TRIM8: variants seen among roughly 807,000 people sequenced by gnomAD.
The protein encoded by TRIM8 is tripartite motif containing 8.
In TRIM8, 9 loss-of-function variants were observed where a neutral mutation model predicts 55.7. The ratio of observed to expected loss-of-function variants is 0.16; its 90% CI spans 0.10 to 0.28. The LOEUF is 0.28. TRIM8 is among the 10% of genes least tolerant of loss of function. The pLI is 1.00. For synonymous variants in TRIM8, 335 were observed against 333.3 expected (o/e 1.01, Z -0.06); for missense variants, 556 against 736.4 (o/e 0.76, Z 2.83).
At chr10:102,645,229 A>C (rs2063924183) in intron 1 of TRIM8, 42 bp downstream of exon 1, 1 of 1,476,546 alleles carries the variant, frequency 6.8e-7, no homozygotes, top group Non-Finnish European at 8.9e-7. Context: ...ACACACACAG[A>C]CACACAGTCC....
intron 2 of TRIM8, 22 bp from the exon 3 acceptor site, chr10:102,655,058 C>T (rs759622215): frequency 3.2e-5 from 52 of 1,612,576 alleles, no homozygotes; most frequent in Non-Finnish European, 4.3e-5. Flanking sequence ...TGCCTGCCCA[C>T]TCCTGCCCTC....
Position 102,656,924 on chromosome 10 carries a change from A to C in TRIM8, c.1226A>C (p.Glu409Ala). 6.2e-7 allele frequency: 1 copy of C among 1,604,700 alleles called. No homozygotes were observed. Among genetic ancestry groups the C allele is most frequent in the Non-Finnish European group, 8.5e-7 (1 of 1,174,976 alleles). Reference sequence around the variant, plus strand: ...GGGGCGGCGGGCACAGCCAGCGGTGAGGGCCAGTCTGGGCAGCCCCTGGGG... The same window carrying C: ...GGGGCGGCGGGCACAGCCAGCGGTGCGGGCCAGTCTGGGCAGCCCCTGGGG... Reference protein sequence around the residue: ...QYGAAGTASGEGQSGQPLGPC... With the variant: ...QYGAAGTASGAGQSGQPLGPC... The change falls in exon 6 of 6, where the codon GAG (glutamate) becomes GCG (alanine). Residue 409 changes from glutamate (E) to alanine (A), a missense_variant. Glu to Ala is a moderately radical substitution (Grantham distance 107). Transcript: ENST00000643721. The surrounding 1 kb of genome is among the most constrained non-coding windows in gnomAD (Gnocchi z 4.6).
At chr10:102,655,652 C>T (rs951752544) in intron 3 of TRIM8, among the ~76,000 whole-genome samples, 3 of 152,204 alleles carry the variant, frequency 2.0e-5, no homozygotes, top group Admixed American at 2.0e-4. Context: ...AATTTATGGT[C>T]TTTATCTTGC....
chr10:102,656,844 C>G lies in TRIM8; in HGVS notation c.1146C>G (p.Ala382=). Residue 382 remains alanine (A), a synonymous_variant, in exon 6 of 6, where the codon GCC becomes GCG. Transcript: ENST00000643721. The surrounding 1 kb of genome is among the most constrained non-coding windows in gnomAD (Gnocchi z 4.6). ...CGGAAAAGCGCAAGCACTCAACGGCCTTCCCAGAGGCCAGTTTCCTAGAGA... is the reference window on the plus strand; with the variant it reads ...CGGAAAAGCGCAAGCACTCAACGGCGTTCCCAGAGGCCAGTTTCCTAGAGA... ...SGAEKRKHST[A]FPEASFLETS... The G allele has an allele frequency of 6.5e-7, 1 of 1,549,930 alleles. No homozygotes were observed. The highest frequency in any genetic ancestry group is 8.7e-7 in the Non-Finnish European group (1 of 1,149,762).
At position 102,657,590 on chromosome 10, in the gene TRIM8, A is replaced by T. The variant is rs2064038414; in HGVS notation, c.*236A>T. The stretch of plus-strand genomic sequence containing the variant: ...GGGAGCTGGCCTGGGCCAGGACGGC[A>T]GGTGGCCCTGGAGATGGGAAAGTGT... On this transcript the variant is annotated 3_prime_UTR_variant, in exon 6 of 6. Transcript: ENST00000643721. 2.1e-6 allele frequency: 1 copy of T among 485,038 alleles called. No homozygotes were observed. 30.0% of individuals were successfully genotyped at this position (485,038 alleles called of 1,614,324 possible). A position where few individuals can be genotyped will look rare whatever the true frequency, so the allele number is the denominator to read the frequency against.
intron 3 of TRIM8, 116 bp from the exon 4 acceptor site, chr10:102,655,990 A>AGAG (rs2064020124): frequency 6.8e-7 from 1 of 1,476,012 alleles, no homozygotes; most frequent in Admixed American, 1.7e-5. Flanking sequence ...GTCCAGAATG[A>AGAG]GAGGATCCAC....
chr10:102,644,894 G>T lies in TRIM8; in HGVS notation c.277G>T (p.Val93Leu). The T allele has an allele frequency of 6.2e-7, 1 of 1,609,838 alleles. No individual in the cohort carries two copies. The highest frequency in any genetic ancestry group is 8.5e-7 in the Non-Finnish European group (1 of 1,178,486). Reference sequence around the variant, plus strand: ...GAAGCCGCCGGCGGCGCTGCACTGCGTGTTCTGCCGCCGCGGCCCCCCGCT... The same window carrying T: ...GAAGCCGCCGGCGGCGCTGCACTGCTTGTTCTGCCGCCGCGGCCCCCCGCT... ...VEKPPAALHC[V>L]FCRRGPPLPA... Residue 93 changes from valine (V) to leucine (L), a missense_variant, in exon 1 of 6, where the codon GTG becomes TTG. This residue lies in a region of TRIM8 where 165 missense variants were observed against 295.3 expected (regional missense o/e 0.56). Transcript: ENST00000643721.
Position 102,644,922 on chromosome 10 carries a change from C to T in TRIM8, c.305C>T (p.Pro102Leu), listed in dbSNP as rs2063920759. ...CVFCRRGPPLPAQKVCLRCEA... is the reference protein window; with the variant it reads ...CVFCRRGPPLLAQKVCLRCEA... ...TTCTGCCGCCGCGGCCCCCCGCTGC[C>T]CGCGCAGAAGGTCTGCCTGCGCTGC... The change falls in exon 1 of 6, where the codon CCC (proline) becomes CTC (leucine). Residue 102 changes from proline to leucine, a missense_variant. Physicochemically the swap from Pro to Leu is moderately conservative, Grantham distance 98. Around this residue, in one of 2 missense-constraint regions of TRIM8, gnomAD observed 165 missense variants for 295.3 expected, o/e 0.56. Coordinates refer to ENST00000643721, the MANE Select transcript of TRIM8 (RefSeq NM_030912.3). 1 of 1,605,118 alleles carries T rather than the reference C, an allele frequency of 6.2e-7. No homozygotes were observed. The highest frequency in any genetic ancestry group is 8.5e-7 in the Non-Finnish European group (1 of 1,176,294).
Position 102,657,874 on chromosome 10 carries a change from T to A in TRIM8, c.*520T>A, listed in dbSNP as rs1210562367. 2.0e-5 allele frequency: 3 copies of A among 152,636 alleles called. No homozygotes were observed. The highest frequency in any genetic ancestry group is 4.4e-5 in the Non-Finnish European group (3 of 68,106). The allele number at this position is 152,636 out of a possible 1,614,324, so 9.5% of individuals were successfully genotyped here. A position where few individuals can be genotyped will look rare whatever the true frequency, so the allele number is the denominator to read the frequency against. On this transcript the variant is annotated 3_prime_UTR_variant, in exon 6 of 6. Coordinates refer to ENST00000643721, the MANE Select transcript of TRIM8 (RefSeq NM_030912.3). ...TTGTTTTTGTTTTTTTAAATTTTTTTAAACCAAGAATGATTTCTCCTGCTT... is the reference window on the plus strand; with the variant it reads ...TTGTTTTTGTTTTTTTAAATTTTTTAAAACCAAGAATGATTTCTCCTGCTT...
At position 102,657,683 on chromosome 10, in the gene TRIM8, C is replaced by T. The variant is rs58774783; in HGVS notation, c.*329C>T. On this transcript the variant is annotated 3_prime_UTR_variant, in exon 6 of 6. Transcript: ENST00000643721. ...CCTCTACTCCTTCCCCTTCACACCC[C>T]CGTGGCTGGAAGGAACCTCGGCTTC... 3,254 of 210,204 alleles carry T rather than the reference C, an allele frequency of 0.015. 107 individuals carry two copies. Among genetic ancestry groups the T allele is most frequent in the African/African-American group, 0.07 (3,063 of 43,448 alleles). 13.0% of individuals were successfully genotyped at this position (210,204 alleles called of 1,614,324 possible).
chr10:102,656,204 C>A lies in TRIM8; in HGVS notation c.933-66C>A. The A allele has an allele frequency of 2.5e-6, 4 of 1,614,028 alleles. No individual in the cohort carries two copies. Among genetic ancestry groups the A allele is most frequent in the Non-Finnish European group, 3.4e-6 (4 of 1,179,970 alleles). On this transcript the variant is annotated intron_variant, in intron 4 of 5. Transcript: ENST00000643721. The surrounding 1 kb of genome is among the most constrained non-coding windows in gnomAD (Gnocchi z 4.6). Reference sequence around the variant, plus strand: ...GAGGGCAGGGGGGCCAGGCCCATGGCGGGGAGGTAGGGCGGGCTCACCGGT... The same window carrying A: ...GAGGGCAGGGGGGCCAGGCCCATGGAGGGGAGGTAGGGCGGGCTCACCGGT...
At chr10:102,650,690 G>GCT (rs1448491752) in intron 1 of TRIM8, among the ~76,000 whole-genome samples, 2 of 152,218 alleles carry the variant, frequency 1.3e-5, no homozygotes, top group African/African-American at 4.8e-5. Context: ...GAGAGTACTT[G>GCT]CTCTGAACTG....
chr10:102,647,617 C>T (rs775193515), intron 1 of TRIM8, among the ~76,000 whole-genome samples: 3 of 152,220 alleles, frequency 2.0e-5, no homozygotes, highest in Middle Eastern at 3.4e-3. Context: ...GTGGGTGGAG[C>T]GCTCTTCCTT....
intron 1 of TRIM8, among the ~76,000 whole-genome samples, chr10:102,652,621 G>T (rs1006284229): frequency 2.6e-5 from 4 of 152,148 alleles, no homozygotes; most frequent in Non-Finnish European, 5.9e-5. Flanking sequence ...ATTCTTAAGA[G>T]GCCCTGTGTC....
In TRIM8 at chr10:102,656,815, G is replaced by C. The variant is rs752340857; in HGVS notation, c.1117G>C (p.Gly373Arg). The C allele has an allele frequency of 6.5e-7, 1 of 1,529,562 alleles. No homozygotes were observed. Among genetic ancestry groups the C allele is most frequent in the East Asian group, 2.3e-5 (1 of 44,190 alleles). The allele number at this position is 1,529,562 out of a possible 1,614,324, so 94.7% of individuals were successfully genotyped here. A position where few individuals can be genotyped will look rare whatever the true frequency, so the allele number is the denominator to read the frequency against. ...PLYPCGVSSS[G>R]AEKRKHSTAF... is the part of the protein sequence containing the mutation. The stretch of plus-strand genomic sequence containing the variant: ...GTACCCTTGCGGCGTGAGCAGCTCT[G>C]GGGCGGAAAAGCGCAAGCACTCAAC... Residue 373 changes from glycine to arginine, a missense_variant, in exon 6 of 6, where the codon GGG (glycine) becomes CGG (arginine). Around this residue, in one of 2 missense-constraint regions of TRIM8, gnomAD observed 391 missense variants for 441.0 expected, o/e 0.89. Transcript: ENST00000643721. The surrounding 1 kb of genome is among the most constrained non-coding windows in gnomAD (Gnocchi z 4.6).
intron 1 of TRIM8, chr10:102,653,391 A>ATACCAGCC (rs1484783190): frequency 6.6e-6 from 1 of 152,546 alleles, no homozygotes; most frequent in Non-Finnish European, 1.5e-5. Flanking sequence ...TGGGGACAGG[A>ATACCAGCC]TACCAGCCCA....
In TRIM8 at chr10:102,656,162, CGGGGGCACATCCT is replaced by C. The variant is rs1205668847; in HGVS notation, c.932+30_932+42del. On this transcript the variant is annotated intron_variant, in intron 4 of 5. Transcript: ENST00000643721. The surrounding 1 kb of genome is among the most constrained non-coding windows in gnomAD (Gnocchi z 4.6). ...GGTAAGCTGAGGGCCCTAGCCCTCC[CGGGGGCACATCCT>C]GGGGAGGGCAGGGGGGCCAGGCCCA... 1.2e-6 allele frequency: 2 copies of C among 1,614,086 alleles called. No individual in the cohort carries two copies. Among genetic ancestry groups the C allele is most frequent in the East Asian group, 4.5e-5 (2 of 44,874 alleles).
At chr10:102,645,290 G>A (rs867770236) in intron 1 of TRIM8, 103 bp downstream of exon 1, 2 of 1,299,550 alleles carry the variant, frequency 1.5e-6, no homozygotes, top group Middle Eastern at 5.3e-4. Flanking sequence ...TGACTCTTGT[G>A]ACATCAGGCC....
intron 1 of TRIM8, among the ~76,000 whole-genome samples, chr10:102,650,471 G>T (rs957651750): frequency 2.1e-4 from 32 of 152,186 alleles, no homozygotes; most frequent in Non-Finnish European, 4.7e-4. Context: ...AGGCCCGACA[G>T]GCAGGGCTGG....
Sources: allele counts gnomAD v4.1 joint callset (sites outside exome capture counted in the v4.1 genomes callset), GRCh38; gene constraint gnomAD v4.1.1; regional missense constraint gnomAD v4.1.1; non-coding constraint Gnocchi (gnomAD v3.1); transcripts MANE v1.5; gene names NCBI Gene and HGNC (gene_info 2026-07-23, HGNC 2026-07-21).